KCNK9: variants seen among roughly 807,000 people sequenced by gnomAD.
KCNK9 encodes the protein potassium channel subfamily K member 9.
KCNK9 carries 1 observed loss-of-function variant against 10.8 expected under a neutral mutation model. The observed-to-expected ratio is 0.09, with a 90% CI of 0.03 to 0.44. The LOEUF (loss-of-function observed/expected upper bound fraction) is 0.44. Among genes scored for constraint, KCNK9 ranks in the 20% least tolerant of loss-of-function variants. The pLI is 0.97. For missense variants in KCNK9, 303 were observed against 515.0 expected (o/e 0.59, Z 3.98); for synonymous variants, 231 against 222.7 (o/e 1.04, Z -0.33).
In KCNK9 at chr8:139,644,941, G is replaced by A. The variant is rs530434950; in HGVS notation, c.284-25842C>T. Among the ~76,000 whole-genome samples, 5 of 151,968 alleles carry A rather than the reference G, an allele frequency of 3.3e-5. No homozygotes were observed. The South Asian group carries it at 8.3e-4, about 25-fold the overall frequency. On this transcript the variant is annotated intron_variant, in intron 1 of 1. Coordinates refer to ENST00000520439, the MANE Select transcript of KCNK9 (RefSeq NM_001282534.2). Reference sequence around the variant, plus strand: ...TATTTGTGCCTCCCCCCACATCCCCGCCCACAGTGCAGACAGACATGGGCT... The same window carrying A: ...TATTTGTGCCTCCCCCCACATCCCCACCCACAGTGCAGACAGACATGGGCT...
intron 1 of KCNK9, among the ~76,000 whole-genome samples, chr8:139,671,324 G>C (rs968818745): frequency 2.0e-5 from 3 of 152,106 alleles, no homozygotes; most frequent in Non-Finnish European, 2.9e-5. Flanking sequence ...GAACTCTTGG[G>C]CCAATATCCT....
At chr8:139,634,895 G>A (rs1266300298) in intron 1 of KCNK9, among the ~76,000 whole-genome samples, 2 of 152,146 alleles carry the variant, frequency 1.3e-5, no homozygotes, top group East Asian at 3.9e-4. Flanking sequence ...AAGAGCTTCT[G>A]GGACTTCATC....
intron 1 of KCNK9, among the ~76,000 whole-genome samples, chr8:139,664,711 T>A (rs929162991): frequency 6.6e-6 from 1 of 152,206 alleles, no homozygotes; most frequent in Non-Finnish European, 1.5e-5. Context: ...CCGTAAGGCG[T>A]GTGACCACAT....
intron 1 of KCNK9, among the ~76,000 whole-genome samples, chr8:139,659,479 C>CG (rs1405225753): frequency 6.6e-6 from 1 of 151,962 alleles, no homozygotes; most frequent in African/African-American, 2.4e-5. Flanking sequence ...GGACCCTACC[C>CG]CTGTATTGGT....
chr8:139,629,717 C>A (rs1194495151), intron 1 of KCNK9, among the ~76,000 whole-genome samples: 1 of 152,096 alleles, frequency 6.6e-6, no homozygotes, highest in Admixed American at 6.5e-5. Context: ...CTCTCCGGGG[C>A]TTTGAGGGGG....
chr8:139,606,001 AAAAC>A (rs1264644676), intron 2 of KCNK9, among the ~76,000 whole-genome samples: 2 of 152,194 alleles, frequency 1.3e-5, no homozygotes, highest in African/African-American at 4.8e-5. Flanking sequence ...TGAACAAAAG[AAAAC>A]AAACAGAAGC....
downstream of KCNK9, among the ~76,000 whole-genome samples, chr8:139,610,321 C>T (rs1814381853): frequency 6.6e-6 from 1 of 152,216 alleles, no homozygotes; most frequent in South Asian, 2.1e-4. Flanking sequence ...AGGCCTTAGC[C>T]AGCTTCAGTC....
intron 1 of KCNK9, among the ~76,000 whole-genome samples, chr8:139,701,454 CAG>C (rs1336057182): frequency 6.6e-6 from 1 of 151,802 alleles, no homozygotes; most frequent in Non-Finnish European, 1.5e-5. Flanking sequence ...TTTCAGTATG[CAG>C]AGATTTCCAG....
intron 1 of KCNK9, among the ~76,000 whole-genome samples, chr8:139,669,780 T>C (rs778410789): frequency 3.9e-5 from 6 of 152,082 alleles, no homozygotes; most frequent in Non-Finnish European, 8.8e-5. Flanking sequence ...TTCTAAAAGG[T>C]TTTCTATTTA....
chr8:139,702,779 G>T lies in KCNK9; in HGVS notation c.214C>A (p.His72Asn). The change falls in exon 1 of 2, where the codon CAC (histidine) becomes AAC (asparagine). Residue 72 changes from histidine (H) to asparagine (N), a missense_variant. By Grantham distance (68) the His-to-Asn change is moderately conservative. This residue lies in a region of KCNK9 where 58 missense variants were observed against 102.4 expected (regional missense o/e 0.57). Coordinates refer to ENST00000520439, the MANE Select transcript of KCNK9 (RefSeq NM_001282534.2). This position sits in a 1 kb window ranked among gnomAD's most constrained non-coding sequence, Gnocchi z 7.5. ...LELVILQSEP[H>N]RAGVQWKFAG... ...AATTTCCACTGGACGCCGGCGCGGT[G>T]CGGTTCCGACTGCAGGATCACCAGC... The T allele has an allele frequency of 6.2e-7, 1 of 1,613,704 alleles. No individual in the cohort carries two copies. The highest frequency in any genetic ancestry group is 1.1e-5 in the South Asian group (1 of 91,040).
chr8:139,647,972 C>G (rs561978208), intron 1 of KCNK9, among the ~76,000 whole-genome samples: 4 of 152,316 alleles, frequency 2.6e-5, no homozygotes, highest in African/African-American at 7.2e-5. Context: ...AGGAGCCAAA[C>G]ACACACTTGT....
At chr8:139,609,545 T>C (rs554081257), downstream of KCNK9, among the ~76,000 whole-genome samples, 43 of 152,228 alleles carry the variant, frequency 2.8e-4, no homozygotes, top group African/African-American at 9.9e-4. Flanking sequence ...GGCCCCTCTC[T>C]CACCAGGAAG....
Position 139,702,965 on chromosome 8 carries a change from AC to A in KCNK9, c.27del (p.Ser10ProfsTer56), listed in dbSNP as rs1281268958. The A allele has an allele frequency of 6.2e-7, 1 of 1,601,472 alleles. No homozygotes were observed. The highest frequency in any genetic ancestry group is 8.5e-7 in the Non-Finnish European group (1 of 1,174,742). MKRQNVRT[L>X]SLIVCTFTYL... ...TAGGTGAAGGTGCAGACGATGAGGG[AC>A]AGAGTCCGCACGTTCTGCCTCTTCA... is the stretch of plus-strand genomic sequence containing the variant. On this transcript the variant is annotated frameshift_variant, in exon 1 of 2. Coordinates refer to ENST00000520439, the MANE Select transcript of KCNK9 (RefSeq NM_001282534.2). LOFTEE classifies it high-confidence loss of function. This position sits in a 1 kb window ranked among gnomAD's most constrained non-coding sequence, Gnocchi z 7.5.
At chr8:139,630,397 G>T (rs1210375426) in intron 1 of KCNK9, among the ~76,000 whole-genome samples, 1 of 152,108 alleles carries the variant, frequency 6.6e-6, no homozygotes, top group Non-Finnish European at 1.5e-5. Context: ...CTCTGCCGCC[G>T]CCGCCGCCCC....
rs1235115322 is a variant in KCNK9, at chr8:139,617,342, T to C, written c.*916A>G. On this transcript the variant is annotated 3_prime_UTR_variant, in exon 2 of 2. Coordinates refer to ENST00000520439, the MANE Select transcript of KCNK9 (RefSeq NM_001282534.2). ...GTTTCCCCTGACAATTCCAGTTGCA[T>C]GGTAAATTGTTGGAACTGGAGGTGA... Among the ~76,000 whole-genome samples, 3 of 152,178 alleles carry C rather than the reference T, an allele frequency of 2.0e-5. No homozygotes were observed. The highest frequency in any genetic ancestry group is 4.4e-5 in the Non-Finnish European group (3 of 68,020).
intron 2 of KCNK9, among the ~76,000 whole-genome samples, chr8:139,604,407 C>T (rs541046250): frequency 6.6e-6 from 1 of 152,224 alleles, no homozygotes; most frequent in Admixed American, 6.5e-5. Flanking sequence ...AGCAGAGACA[C>T]TGTGGGACGG....
chr8:139,689,944 T>G (rs921725029), intron 1 of KCNK9, among the ~76,000 whole-genome samples: 1 of 152,188 alleles, frequency 6.6e-6, no homozygotes, highest in African/African-American at 2.4e-5. Flanking sequence ...CCCGGCCACC[T>G]TTGCCATCAT....
At chr8:139,681,853 G>A (rs1007431232) in intron 1 of KCNK9, among the ~76,000 whole-genome samples, 3 of 152,208 alleles carry the variant, frequency 2.0e-5, no homozygotes, top group African/African-American at 7.2e-5. Context: ...GGCATCTTAT[G>A]CGGCCTGGAC....
At chr8:139,664,295 C>A (rs1433185959) in intron 1 of KCNK9, among the ~76,000 whole-genome samples, 2 of 152,162 alleles carry the variant, frequency 1.3e-5, no homozygotes, top group African/African-American at 4.8e-5. Flanking sequence ...TCCTTGAGAG[C>A]AAACCCTGCT....
Sources: gnomAD v4.1 joint callset for allele counts (sites outside exome capture counted in the v4.1 genomes callset) on GRCh38, gnomAD v4.1.1 for gene constraint, gnomAD v4.1.1 regional missense constraint, Gnocchi (gnomAD v3.1) non-coding constraint, MANE v1.5 for transcripts, NCBI Gene and HGNC (gene_info 2026-07-23, HGNC 2026-07-21) for gene names.